Variants in TRAK1 observed in about 807,000 individuals in gnomAD.
The protein encoded by TRAK1 is trafficking kinesin-binding protein 1.
A neutral mutation model predicts 92.1 loss-of-function variants in TRAK1; 33 were observed. The ratio of observed to expected loss-of-function variants is 0.36; its 90% confidence interval spans 0.27 to 0.48. The LOEUF is 0.48. TRAK1 is among the 20% of genes least tolerant of loss of function. The probability of loss-of-function intolerance (pLI) is 0.99; values close to 1 mark genes in which losing one functional copy is unlikely to be tolerated. For missense variants in TRAK1, 1,123 were observed against 1,257.9 expected, an observed-to-expected ratio of 0.89 and a Z score of 1.62; for synonymous variants, 521 against 517.3, an observed-to-expected ratio of 1.01 and a Z score of -0.10.
chr3:42,225,339 A>G lies in TRAK1; in HGVS notation c.*1602A>G, dbSNP rs1318615314. On this transcript the variant is annotated 3_prime_UTR_variant, in exon 16 of 16. Transcript: ENST00000327628. ...ATTGAGTGAGGGTAACCTTATGTCC[A>G]CCAAGGATACTTTGAGAAAGCCCCT... 2.0e-5 allele frequency: 3 copies of G among 152,212 alleles called. No homozygotes were observed. The East Asian group carries it at 5.8e-4, about 29-fold the overall frequency. The allele number at this position is 152,212 out of a possible 1,614,324, so 9.4% of individuals were successfully genotyped here.
chr3:42,082,336 C>T (rs116290762), upstream of TRAK1, among the ~76,000 whole-genome samples: 3,243 of 152,192 alleles, frequency 0.021, 102 homozygotes, highest in African/African-American at 0.074. Context: ...TGGCAGCTCA[C>T]GCCTGTAATC....
At chr3:42,211,508 G>A in intron 14 of TRAK1, 1 of 985,444 alleles carries the variant, frequency 1.0e-6, no homozygotes, top group Non-Finnish European at 1.2e-6. Flanking sequence ...TGTCCGTCAG[G>A]AAGGCAGGTG....
chr3:42,069,597 C>T (rs1703829001), intron 1 of TRAK1, among the ~76,000 whole-genome samples: 1 of 152,082 alleles, frequency 6.6e-6, no homozygotes, highest in South Asian at 2.1e-4. Flanking sequence ...TGTTTTGTGA[C>T]CTGCAATTTT....
chr3:42,200,774 G>A (rs377194218), intron 11 of TRAK1, 44 bp from the exon 12 acceptor site: 431 of 1,600,626 alleles, frequency 2.7e-4, no homozygotes, highest in Non-Finnish European at 3.4e-4. Flanking sequence ...CTCCAGGGTT[G>A]TGCCCGCATT....
chr3:42,166,990 G>A (rs1701952878), intron 2 of TRAK1, among the ~76,000 whole-genome samples: 1 of 152,250 alleles, frequency 6.6e-6, no homozygotes, highest in Non-Finnish European at 1.5e-5. Flanking sequence ...AGAACAAGGA[G>A]ATGGGGAGTT....
chr3:42,163,916 G>A (rs1160082184), intron 2 of TRAK1, among the ~76,000 whole-genome samples: 1 of 152,128 alleles, frequency 6.6e-6, no homozygotes, highest in African/African-American at 2.4e-5. Context: ...CAGTAACCTC[G>A]AAAGAAAAAC....
At chr3:42,190,945 C>G (rs1559902683) in intron 6 of TRAK1, among the ~76,000 whole-genome samples, 1 of 152,094 alleles carries the variant, frequency 6.6e-6, no homozygotes, top group Non-Finnish European at 1.5e-5. Context: ...GGGGCTTCTT[C>G]TTTGGGCCTT....
intron 1 of TRAK1, among the ~76,000 whole-genome samples, chr3:42,093,334 C>A (rs1705373934): frequency 6.6e-6 from 1 of 151,972 alleles, no homozygotes; most frequent in African/African-American, 2.4e-5. Flanking sequence ...TTTGCAAAAC[C>A]ACAGAAACAT....
intron 1 of TRAK1, among the ~76,000 whole-genome samples, chr3:42,077,520 C>T (rs1704214631): frequency 1.3e-5 from 2 of 152,208 alleles, no homozygotes; most frequent in African/African-American, 4.8e-5. Flanking sequence ...AACTCCTGAC[C>T]TCAAGTGACC....
upstream of TRAK1, chr3:42,091,183 T>G (rs1181037912): frequency 2.6e-6 from 1 of 391,672 alleles, no homozygotes; most frequent in African/African-American, 2.1e-5. Flanking sequence ...CCCGTTCTCC[T>G]TGCTACTCCC....
intron 2 of TRAK1, among the ~76,000 whole-genome samples, chr3:42,139,179 C>T (rs996505982): frequency 6.6e-6 from 1 of 152,110 alleles, no homozygotes; most frequent in Non-Finnish European, 1.5e-5. Flanking sequence ...TGCCCAAGTA[C>T]TCTGGCTGTG....
intron 15 of TRAK1, chr3:42,220,653 C>T (rs1448141554): frequency 5.2e-6 from 5 of 960,160 alleles, no homozygotes; most frequent in African/African-American, 1.8e-5. Context: ...TGTGTGTGCA[C>T]GCGTGGCCGC....
intron 1 of TRAK1, among the ~76,000 whole-genome samples, chr3:42,101,253 G>A (rs983462462): frequency 2.0e-5 from 3 of 152,170 alleles, no homozygotes; most frequent in African/African-American, 2.4e-5. Flanking sequence ...GAGTTATGCC[G>A]GCCACAGCGA....
In TRAK1 at chr3:42,201,877, CAG is replaced by C. The variant is rs1559378080; in HGVS notation, c.1428-557_1428-556del. On this transcript the variant is annotated intron_variant, in intron 12 of 15. Transcript: ENST00000327628. The stretch of plus-strand genomic sequence containing the variant: ...CTGGACGGACGGACGGACGGACGGA[CAG>C]ACGGACACACACACACACACACACA... Among the ~76,000 whole-genome samples the C allele has an allele frequency of 7.1e-4, 93 of 130,464 alleles. 1 individual carries two copies. The highest frequency in any genetic ancestry group is 2.8e-3 in the African/African-American group (90 of 32,612). The allele number at this position is 130,464 out of a possible 152,430, so 85.6% of individuals were successfully genotyped here. A position where few individuals can be genotyped will look rare whatever the true frequency, so the allele number is the denominator to read the frequency against.
At chr3:42,014,669 G>A (rs1469952610) in intron 1 of TRAK1, among the ~76,000 whole-genome samples, 1 of 152,190 alleles carries the variant, frequency 6.6e-6, no homozygotes, top group African/African-American at 2.4e-5. Flanking sequence ...TTAAAAGTCG[G>A]CCTGCTCTTG....
At chr3:42,173,450 C>T (rs932872710) in intron 2 of TRAK1, among the ~76,000 whole-genome samples, 1 of 152,142 alleles carries the variant, frequency 6.6e-6, no homozygotes, top group Non-Finnish European at 1.5e-5. Context: ...TTTCTTGGAA[C>T]AGGAAATCTA....
chr3:42,189,062 T>A lies in TRAK1; in HGVS notation c.628T>A (p.Leu210Met). ...SSSSVQNYFH[L>M]DSLQKKLKDL... ...CTCCTCAGTCCAGAATTACTTTCAT[T>A]TGGATTCTCTTCAAAAGAAGCTGAA... The change falls in exon 6 of 16, where the codon TTG becomes ATG. Residue 210 changes from leucine to methionine, a missense_variant. This residue lies in a region of TRAK1 where 686 missense variants were observed against 747.6 expected (regional missense o/e 0.92). Coordinates refer to ENST00000327628, the MANE Select transcript of TRAK1 (RefSeq NM_001042646.3). 1.9e-6 allele frequency: 3 copies of A among 1,614,174 alleles called. No individual in the cohort carries two copies. Among genetic ancestry groups the A allele is most frequent in the Non-Finnish European group, 2.5e-6 (3 of 1,180,008 alleles).
At chr3:42,176,914 A>G in intron 3 of TRAK1, 24 bp downstream of exon 3, 1 of 1,607,640 alleles carries the variant, frequency 6.2e-7, no homozygotes. Flanking sequence ...GGGAAGGCAA[A>G]AGAGTTGTTT....
intron 1 of TRAK1, among the ~76,000 whole-genome samples, chr3:42,107,358 G>A (rs1281230643): frequency 6.6e-6 from 1 of 151,836 alleles, no homozygotes; most frequent in Non-Finnish European, 1.5e-5. Context: ...ACTAAAATAC[G>A]AAAATTAGCC....
Sources: allele counts gnomAD v4.1 joint callset (sites outside exome capture counted in the v4.1 genomes callset), GRCh38; gene constraint gnomAD v4.1.1; regional missense constraint gnomAD v4.1.1; transcripts MANE v1.5; gene names NCBI Gene and HGNC (gene_info 2026-07-23, HGNC 2026-07-21).